The following OTOA variants were observed in gnomAD, a reference collection of about 807,000 sequenced individuals.
The protein encoded by OTOA is otoancorin.
A neutral mutation model predicts 110.8 loss-of-function variants in OTOA; 70 were observed. The observed-to-expected ratio is 0.63, with a 90% CI of 0.52 to 0.77. OTOA has a LOEUF of 0.77. Ranked by LOEUF, OTOA falls within the 30% of genes least tolerant of loss-of-function variation. The pLI is 0.00. For synonymous variants in OTOA, 373 were observed against 431.5 expected (o/e 0.86, Z 1.68); for missense variants, 917 against 1,075.8 (o/e 0.85, Z 2.06).
At chr16:21,734,460 C>T (rs892567475) in intron 21 of OTOA, among the ~76,000 whole-genome samples, 2 of 151,060 alleles carry the variant, frequency 1.3e-5, no homozygotes, top group African/African-American at 2.4e-5. Flanking sequence ...ATTTGTACAA[C>T]AAACCTCCAT....
chr16:21,665,541 C>G (rs1401390970), intron 1 of OTOA, among the ~76,000 whole-genome samples: 1 of 152,116 alleles, frequency 6.6e-6, no homozygotes, highest in Non-Finnish European at 1.5e-5. Flanking sequence ...GTGCACTGAA[C>G]TCATCTGTGA....
rs741718 is a variant in OTOA at position 21,709,693 on chromosome 16, A to G, written c.1105-195A>G. ...TTGGCACATGAAAGCTAAGGCCAGA[A>G]GAGGTGTCCTCCGTGTGGTGTCTCA... On this transcript the variant is annotated intron_variant, in intron 12 of 28. Coordinates refer to ENST00000646100, the MANE Select transcript of OTOA (RefSeq NM_144672.4). 0.081 allele frequency among the ~76,000 whole-genome samples: 12,328 copies of G among 152,174 alleles called. 570 individuals are homozygous for G. The highest frequency in any genetic ancestry group is 0.15 in the Middle Eastern group (43 of 294).
chr16:21,686,481 C>T (rs1000314491), intron 7 of OTOA, among the ~76,000 whole-genome samples: 18 of 151,900 alleles, frequency 1.2e-4, no homozygotes, highest in African/African-American at 4.1e-4. Flanking sequence ...TTTTTAGGGA[C>T]GGGGTCTCCC....
intron 5 of OTOA, among the ~76,000 whole-genome samples, chr16:21,680,339 C>G (rs1966879285): frequency 6.6e-6 from 1 of 152,018 alleles, no homozygotes; most frequent in African/African-American, 2.4e-5. Context: ...TAGTGAAACC[C>G]TGTCCCTACT....
chr16:21,721,232 TACACACAC>T (rs35961471), intron 17 of OTOA: 4,545 of 371,808 alleles, frequency 0.012, 17 homozygotes, highest in South Asian at 0.03. Context: ...ACATAATTAT[TACACACAC>T]ACACACACAC....
intron 7 of OTOA, among the ~76,000 whole-genome samples, chr16:21,686,938 G>A (rs1300032199): frequency 2.0e-5 from 3 of 152,120 alleles, no homozygotes; most frequent in Admixed American, 1.3e-4. Flanking sequence ...TGATTCTGAT[G>A]TGCACCCAGA....
intron 17 of OTOA, among the ~76,000 whole-genome samples, chr16:21,720,161 G>T (rs1898685650): frequency 6.6e-6 from 1 of 152,004 alleles, no homozygotes; most frequent in Non-Finnish European, 1.5e-5. Flanking sequence ...TTGATATGTT[G>T]CCCAGGCTGG....
chr16:21,678,407 C>CAT lies in OTOA; in HGVS notation c.-4-91_-4-90dup, dbSNP rs113757042. The CAT allele has an allele frequency of 0.099, 63,372 of 639,078 alleles. 4,695 individuals are homozygous for CAT. Among genetic ancestry groups the CAT allele is most frequent in the African/African-American group, 0.36 (18,359 of 50,636 alleles). 39.6% of individuals were successfully genotyped at this position (639,078 alleles called of 1,614,324 possible). ...TTTTTCCTTTTGTCTTCTGAATGTCCATATATATATATATGTTTATATACA... is the reference window on the plus strand; with the variant it reads ...TTTTTCCTTTTGTCTTCTGAATGTCCATATATATATATATATGTTTATATACA... On this transcript the variant is annotated intron_variant, in intron 1 of 28. Transcript: ENST00000646100.
At chr16:21,711,020 A>G (rs1020090423) in intron 13 of OTOA, among the ~76,000 whole-genome samples, 1 of 152,074 alleles carries the variant, frequency 6.6e-6, no homozygotes, top group Admixed American at 6.6e-5. Context: ...ATTAAACAAC[A>G]ACAACAACAA....
intron 12 of OTOA, among the ~76,000 whole-genome samples, chr16:21,707,648 T>C (rs1265912509): frequency 1.8e-5 from 2 of 110,386 alleles, no homozygotes; most frequent in African/African-American, 3.1e-5. Flanking sequence ...TTTCTTTCTT[T>C]CTTTCTTTCT....
At chr16:21,720,207 C>T (rs1567388959) in intron 17 of OTOA, among the ~76,000 whole-genome samples, 1 of 152,144 alleles carries the variant, frequency 6.6e-6, no homozygotes, top group Non-Finnish European at 1.5e-5. Flanking sequence ...CCTCCTGCCT[C>T]AGCCTCTCAA....
intron 25 of OTOA, 134 bp downstream of exon 25, chr16:21,752,211 A>G (rs1434743423): frequency 2.6e-6 from 1 of 391,264 alleles, no homozygotes. Context: ...CTGGGCTAAA[A>G]TCCCACTGGG....
Position 21,750,510 on chromosome 16 carries a change from G to A in OTOA, c.2776-1425G>A, listed in dbSNP as rs545248517. Reference sequence around the variant, plus strand: ...CTGGATCCAGGATCTTCAACACTCTGGGTGGGAATCTGTCTCTTATCATGT... The same window carrying A: ...CTGGATCCAGGATCTTCAACACTCTAGGTGGGAATCTGTCTCTTATCATGT... On this transcript the variant is annotated intron_variant, in intron 24 of 28. Coordinates refer to ENST00000646100, the MANE Select transcript of OTOA (RefSeq NM_144672.4). 1.4e-3 allele frequency among the ~76,000 whole-genome samples: 92 copies of A among 64,038 alleles called. No individual in the cohort carries two copies. In the South Asian group the frequency reaches 0.053, roughly 37 times the overall value. 42.0% of individuals were successfully genotyped at this position (64,038 alleles called of 152,430 possible).
chr16:21,718,915 G>C (rs184783408), intron 15 of OTOA, among the ~76,000 whole-genome samples: 173 of 152,280 alleles, frequency 1.1e-3, no homozygotes, highest in Non-Finnish European at 2.0e-3. Flanking sequence ...GAATCATCTG[G>C]AGTGTGAGAG....
chr16:21,707,572 C>CCCTA (rs1446122100), intron 12 of OTOA, among the ~76,000 whole-genome samples: 1 of 148,182 alleles, frequency 6.7e-6, no homozygotes, highest in Non-Finnish European at 1.5e-5. Flanking sequence ...CTCCCTCCCT[C>CCCTA]CCTACCTTCC....
chr16:21,751,728 T>C (rs460810), intron 24 of OTOA, among the ~76,000 whole-genome samples: 40 of 114,526 alleles, frequency 3.5e-4, no homozygotes, highest in Non-Finnish European at 5.4e-4. Context: ...GAAGACACTT[T>C]CATAGATTAG....
chr16:21,724,394 G>A (rs1425359453), intron 18 of OTOA, among the ~76,000 whole-genome samples: 1 of 152,122 alleles, frequency 6.6e-6, no homozygotes, highest in Non-Finnish European at 1.5e-5. Context: ...GGTAAGAAAA[G>A]CCAATCACTC....
At chr16:21,679,809 A>G (rs1966875027) in intron 5 of OTOA, among the ~76,000 whole-genome samples, 1 of 152,176 alleles carries the variant, frequency 6.6e-6, no homozygotes, top group Admixed American at 6.6e-5. Flanking sequence ...TGTAGTTCCC[A>G]TTGTTATCCC....
At chr16:21,707,835 G>A in intron 12 of OTOA, among the ~76,000 whole-genome samples, 1 of 121,718 alleles carries the variant, frequency 8.2e-6, no homozygotes, top group South Asian at 2.8e-4. Flanking sequence ...TCGCTCTGTT[G>A]CCAGGCTGGA....
Sources: gnomAD v4.1 joint callset for allele counts (sites outside exome capture counted in the v4.1 genomes callset) on GRCh38, gnomAD v4.1.1 for gene constraint, MANE v1.5 for transcripts, NCBI Gene and HGNC (gene_info 2026-07-23, HGNC 2026-07-21) for gene names.